PSMD1: variants seen among roughly 807,000 people sequenced by gnomAD.
PSMD1 encodes the protein 26S proteasome non-ATPase regulatory subunit 1.
PSMD1 carries 18 observed loss-of-function variants against 119.0 expected under a neutral mutation model. The ratio of observed to expected loss-of-function variants is 0.15; its 90% confidence interval spans 0.10 to 0.22. The LOEUF (loss-of-function observed/expected upper bound fraction) is 0.22. PSMD1 is among the 10% of genes least tolerant of loss of function. The pLI is 1.00. For missense variants in PSMD1, 702 were observed against 1,158.5 expected (o/e 0.61, Z 5.72); for synonymous variants, 374 against 396.6 (o/e 0.94, Z 0.68).
chr2:231,093,783 G>A (rs1469702780), intron 16 of PSMD1, among the ~76,000 whole-genome samples: 1 of 151,666 alleles, frequency 6.6e-6, no homozygotes, highest in Non-Finnish European at 1.5e-5. Context: ...GTTTTTTTGA[G>A]CATATTTTTA....
intron 16 of PSMD1, among the ~76,000 whole-genome samples, chr2:231,087,472 C>G (rs1488400769): frequency 6.6e-6 from 1 of 152,160 alleles, no homozygotes; most frequent in East Asian, 1.9e-4. Flanking sequence ...ATAACACATC[C>G]AGTACTCCTC....
chr2:231,127,987 A>G, intron 16 of PSMD1, among the ~76,000 whole-genome samples: 1 of 152,208 alleles, frequency 6.6e-6, no homozygotes, highest in East Asian at 1.9e-4. Flanking sequence ...AAGACAATTG[A>G]ATTTTCTCCC....
intron 5 of PSMD1, 110 bp from the exon 6 acceptor site, chr2:231,069,915 A>G (rs1310920529): frequency 2.2e-6 from 2 of 893,630 alleles, no homozygotes; most frequent in South Asian, 4.8e-5. Flanking sequence ...GGTCTAAATA[A>G]TTGGCTTCCT....
At chr2:231,072,083 C>A in intron 6 of PSMD1, 106 bp from the exon 7 acceptor site, 1 of 886,910 alleles carries the variant, frequency 1.1e-6, no homozygotes, top group Non-Finnish European at 1.7e-6. Context: ...CCTAGTTTGC[C>A]TGTGCTTATA....
intron 16 of PSMD1, among the ~76,000 whole-genome samples, chr2:231,110,058 C>T (rs1349248605): frequency 3.3e-5 from 5 of 152,186 alleles, no homozygotes; most frequent in Non-Finnish European, 7.3e-5. Flanking sequence ...GGCGCTCATG[C>T]CTGTAATTCC....
At position 231,099,130 on chromosome 2, in the gene PSMD1, G is replaced by A. The variant is rs552015691; in HGVS notation, c.1883+11949G>A. Among the ~76,000 whole-genome samples the A allele has an allele frequency of 3.5e-4, 54 of 152,246 alleles. No individual in the cohort carries two copies. In the East Asian group the frequency reaches 4.1e-3, roughly 11 times the overall value. ...CTGAGGCAGCAGTGGCTGTCTGAGCGGAAAGATTGGGGACACTGAACGGGG... is the reference window on the plus strand; with the variant it reads ...CTGAGGCAGCAGTGGCTGTCTGAGCAGAAAGATTGGGGACACTGAACGGGG... On this transcript the variant is annotated intron_variant, in intron 16 of 24. Coordinates refer to ENST00000308696, the MANE Select transcript of PSMD1 (RefSeq NM_002807.4).
chr2:231,101,343 C>A (rs778913878), intron 16 of PSMD1, among the ~76,000 whole-genome samples: 13 of 152,138 alleles, frequency 8.5e-5, no homozygotes, highest in Non-Finnish European at 1.8e-4. Flanking sequence ...TTTTGCAAAA[C>A]CTCCCGGCCT....
chr2:231,163,776 C>T, intron 21 of PSMD1, 49 bp downstream of exon 21: 1 of 1,338,506 alleles, frequency 7.5e-7, no homozygotes, highest in Non-Finnish European at 1.1e-6. Context: ...ATATAGGAGC[C>T]ACTGAGTATT....
At chr2:231,113,179 A>G (rs761271806) in intron 16 of PSMD1, among the ~76,000 whole-genome samples, 3 of 152,124 alleles carry the variant, frequency 2.0e-5, no homozygotes, top group Non-Finnish European at 4.4e-5. Context: ...AAGAAAAAAC[A>G]AACCAAAAAA....
At chr2:231,080,986 T>C (rs764594280) in intron 12 of PSMD1, among the ~76,000 whole-genome samples, 4 of 151,582 alleles carry the variant, frequency 2.6e-5, no homozygotes, top group Admixed American at 1.3e-4. Context: ...CTACTAAAAA[T>C]ACAAAAAATT....
intron 16 of PSMD1, among the ~76,000 whole-genome samples, chr2:231,096,927 G>A (rs1430174271): frequency 6.6e-6 from 1 of 152,178 alleles, no homozygotes; most frequent in Non-Finnish European, 1.5e-5. Context: ...AATGAGTCAG[G>A]GTGGAGTAGG....
intron 12 of PSMD1, among the ~76,000 whole-genome samples, chr2:231,081,834 A>G (rs568532625): frequency 2.0e-5 from 3 of 152,308 alleles, no homozygotes; most frequent in African/African-American, 7.2e-5. Context: ...ACCATGTTCC[A>G]TTAGATACCT....
At chr2:231,094,039 A>G (rs574576458) in intron 16 of PSMD1, among the ~76,000 whole-genome samples, 1 of 152,328 alleles carries the variant, frequency 6.6e-6, no homozygotes, top group East Asian at 1.9e-4. Context: ...ATCAATGGAT[A>G]CATGTACATA....
In PSMD1 at chr2:231,069,419, G is replaced by A. The variant is rs563514501; in HGVS notation, c.511-606G>A. Reference sequence around the variant, plus strand: ...AACTCACTTTTTGAGAAACACTCCTGTAGCTTTCAGTGTGCTAATTTATGT... The same window carrying A: ...AACTCACTTTTTGAGAAACACTCCTATAGCTTTCAGTGTGCTAATTTATGT... On this transcript the variant is annotated intron_variant, in intron 5 of 24. Coordinates refer to ENST00000308696, the MANE Select transcript of PSMD1 (RefSeq NM_002807.4). 7.9e-5 allele frequency among the ~76,000 whole-genome samples: 12 copies of A among 152,260 alleles called. 1 individual carries two copies. Among genetic ancestry groups the A allele is most frequent in the Admixed American group, 7.2e-4 (11 of 15,304 alleles).
At chr2:231,068,540 A>C (rs555354388) in intron 5 of PSMD1, among the ~76,000 whole-genome samples, 1 of 152,274 alleles carries the variant, frequency 6.6e-6, no homozygotes, top group East Asian at 1.9e-4. Context: ...CAGACTGAAA[A>C]TATTAAATAG....
chr2:231,163,330 G>A (rs1445029209), intron 20 of PSMD1: 3 of 257,182 alleles, frequency 1.2e-5, no homozygotes, highest in Non-Finnish European at 1.5e-5. Flanking sequence ...ACAAAGGAGA[G>A]AACAGTTGAT....
chr2:231,086,734 G>A (rs1423971585), intron 15 of PSMD1, among the ~76,000 whole-genome samples: 1 of 152,070 alleles, frequency 6.6e-6, no homozygotes, highest in African/African-American at 2.4e-5. Flanking sequence ...CCCCTGAATT[G>A]AAATTTTTCA....
chr2:231,123,969 A>C (rs1695649648), intron 16 of PSMD1: 2 of 561,726 alleles, frequency 3.6e-6, no homozygotes, highest in Non-Finnish European at 6.4e-6. Flanking sequence ...AAGATATCCA[A>C]GTATTTATTA....
At chr2:231,132,370 T>G (rs1450421832) in intron 16 of PSMD1, among the ~76,000 whole-genome samples, 2 of 152,242 alleles carry the variant, frequency 1.3e-5, no homozygotes, top group African/African-American at 4.8e-5. Context: ...AGGGGTAACT[T>G]GATAAGTATC....
Sources: gnomAD v4.1 joint callset for allele counts (sites outside exome capture counted in the v4.1 genomes callset) on GRCh38, gnomAD v4.1.1 for gene constraint, MANE v1.5 for transcripts, NCBI Gene and HGNC (gene_info 2026-07-23, HGNC 2026-07-21) for gene names.